The following ASTN2 variants were observed in gnomAD, a reference collection of about 807,000 sequenced individuals.
ASTN2 encodes astrotactin 2, also known as astrotactin-2.
ASTN2 carries 54 observed loss-of-function variants against 139.8 expected under a neutral mutation model. That is an observed-to-expected ratio of 0.39 (90% confidence interval 0.31 to 0.48). The LOEUF (loss-of-function observed/expected upper bound fraction) is 0.48, where lower values mean the gene tolerates loss of function less well. Ranked by LOEUF, ASTN2 falls within the 20% of genes least tolerant of loss-of-function variation. ASTN2 has a pLI of 0.95. For synonymous variants in ASTN2, 756 were observed against 719.5 expected (o/e 1.05, Z -0.81); for missense variants, 1,565 against 1,725.1 (o/e 0.91, Z 1.64).
intron 4 of ASTN2, among the ~76,000 whole-genome samples, chr9:117,098,926 G>C (rs541274605): frequency 6.6e-6 from 1 of 151,946 alleles, no homozygotes; most frequent in East Asian, 1.9e-4. Flanking sequence ...TGGGCAACAC[G>C]GTGAAACCCC....
chr9:116,917,595 C>T (rs1290718589), intron 10 of ASTN2, among the ~76,000 whole-genome samples: 1 of 152,200 alleles, frequency 6.6e-6, no homozygotes, highest in African/African-American at 2.4e-5. Flanking sequence ...CAGGCCTCAT[C>T]CCAAACCCTC....
chr9:117,132,042 C>T (rs1017976057), intron 4 of ASTN2, among the ~76,000 whole-genome samples: 5 of 152,172 alleles, frequency 3.3e-5, no homozygotes, highest in Admixed American at 1.3e-4. Flanking sequence ...TTATTCCATT[C>T]CTGGATCTGC....
chr9:116,975,476 G>T, intron 9 of ASTN2, 131 bp from the exon 10 acceptor site: 1 of 927,274 alleles, frequency 1.1e-6, no homozygotes, highest in Non-Finnish European at 1.5e-6. Flanking sequence ...ATTATTTAAG[G>T]AACAATGTTG....
chr9:116,921,143 G>T (rs2132435864), intron 10 of ASTN2, among the ~76,000 whole-genome samples: 1 of 152,216 alleles, frequency 6.6e-6, no homozygotes, highest in African/African-American at 2.4e-5. Context: ...AGAGATGGGG[G>T]AGGTACCACA....
chr9:116,943,791 G>A (rs774481517), intron 10 of ASTN2, among the ~76,000 whole-genome samples: 20 of 152,258 alleles, frequency 1.3e-4, no homozygotes, highest in South Asian at 2.1e-4. Flanking sequence ...CCATTGCAAC[G>A]CATTCTGTTT....
intron 11 of ASTN2, among the ~76,000 whole-genome samples, chr9:116,845,753 G>A (rs986023116): frequency 7.9e-5 from 12 of 152,110 alleles, no homozygotes; most frequent in African/African-American, 2.2e-4. Context: ...AGAAATTGGA[G>A]CCCTTGCACA....
intron 3 of ASTN2, among the ~76,000 whole-genome samples, chr9:117,191,226 G>A (rs200143429): frequency 0.049 from 1,894 of 38,730 alleles, 33 homozygotes; most frequent in East Asian, 0.24. Context: ...ATACAAAATA[G>A]CAAAAAAAAA....
At chr9:116,913,559 A>C (rs1458409326) in intron 10 of ASTN2, among the ~76,000 whole-genome samples, 1 of 152,184 alleles carries the variant, frequency 6.6e-6, no homozygotes, top group Non-Finnish European at 1.5e-5. Context: ...CCTTTTCTAA[A>C]AGGAGGCTCC....
At chr9:116,823,266 ACAGTT>A (rs2132273540) in intron 11 of ASTN2, among the ~76,000 whole-genome samples, 1 of 152,344 alleles carries the variant, frequency 6.6e-6, no homozygotes, top group African/African-American at 2.4e-5. Flanking sequence ...AGAGGGTCAC[ACAGTT>A]TGGTGGTGAC....
intron 19 of ASTN2, chr9:116,578,879 A>G (rs1471002887): frequency 6.6e-6 from 1 of 152,188 alleles, no homozygotes; most frequent in Admixed American, 6.5e-5. Context: ...AACAGCCTGG[A>G]AATTTCATGC....
Position 117,113,012 on chromosome 9 carries a change from A to G in ASTN2, c.1169-16861T>C, listed in dbSNP as rs377491363. On this transcript the variant is annotated intron_variant, in intron 4 of 22. Coordinates refer to ENST00000313400, the MANE Select transcript of ASTN2 (RefSeq NM_001365068.1). ...TCCTCAACCTCTTTAGTCATCAGGG[A>G]GACATAAATTATATCACAATGAGAT... Among the ~76,000 whole-genome samples, 76 of 152,322 alleles carry G rather than the reference A, an allele frequency of 5.0e-4. 1 individual carries two copies. The highest frequency in any genetic ancestry group is 1.6e-3 in the African/African-American group (68 of 41,588).
chr9:117,026,254 C>T (rs544737065), intron 6 of ASTN2, among the ~76,000 whole-genome samples: 1 of 152,184 alleles, frequency 6.6e-6, no homozygotes, highest in South Asian at 2.1e-4. Context: ...AAATGAACAA[C>T]CATTTAGTTC....
At chr9:117,245,346 T>C (rs10465132) in intron 2 of ASTN2, among the ~76,000 whole-genome samples, 81,171 of 152,092 alleles carry the variant, frequency 0.53, 25,018 homozygotes, top group East Asian at 0.77. Context: ...CACACGTCTT[T>C]TTTGACACAA....
chr9:117,047,811 A>G (rs1269644919), intron 5 of ASTN2, among the ~76,000 whole-genome samples: 1 of 152,000 alleles, frequency 6.6e-6, no homozygotes, highest in African/African-American at 2.4e-5. Flanking sequence ...TTTGCTTAAG[A>G]TTACTTTCTT....
At chr9:116,658,543 G>A (rs1021780502) in intron 16 of ASTN2, among the ~76,000 whole-genome samples, 10 of 152,096 alleles carry the variant, frequency 6.6e-5, no homozygotes, top group South Asian at 4.1e-4. Flanking sequence ...GATCACTGAA[G>A]CCAGACAAAG....
chr9:116,948,235 C>G, intron 10 of ASTN2, among the ~76,000 whole-genome samples: 1 of 152,094 alleles, frequency 6.6e-6, no homozygotes, highest in East Asian at 1.9e-4. Context: ...TTGTGAAGTC[C>G]TTTGTGGGGA....
At chr9:117,320,552 G>C (rs146202607) in intron 1 of ASTN2, among the ~76,000 whole-genome samples, 2 of 152,244 alleles carry the variant, frequency 1.3e-5, no homozygotes, top group Non-Finnish European at 2.9e-5. Context: ...CTTTCCAAAA[G>C]TCACAGAGTT....
chr9:117,411,750 C>G (rs1026510236), intron 1 of ASTN2, among the ~76,000 whole-genome samples: 2 of 152,146 alleles, frequency 1.3e-5, no homozygotes, highest in African/African-American at 4.8e-5. Context: ...AGTGGTAGCT[C>G]CACACTCCCC....
chr9:117,276,525 A>G (rs1267340714), intron 2 of ASTN2, among the ~76,000 whole-genome samples: 3 of 152,204 alleles, frequency 2.0e-5, no homozygotes, highest in African/African-American at 7.2e-5. Flanking sequence ...TTCACTCCCT[A>G]TTAAGGAAAG....
Sources: allele counts gnomAD v4.1 joint callset (sites outside exome capture counted in the v4.1 genomes callset), GRCh38; gene constraint gnomAD v4.1.1; transcripts MANE v1.5; gene names NCBI Gene and HGNC (gene_info 2026-07-23, HGNC 2026-07-21).